Variants in ATF7 observed in about 807,000 individuals in gnomAD.
The protein encoded by ATF7 is cyclic AMP-dependent transcription factor ATF-7.
In ATF7, 10 loss-of-function variants were observed where a neutral mutation model predicts 50.4. The observed-to-expected ratio is 0.20, with a 90% CI of 0.12 to 0.34. The LOEUF (loss-of-function observed/expected upper bound fraction) is 0.34, where lower values mean the gene tolerates loss of function less well. Ranked by LOEUF, ATF7 falls within the 10% of genes least tolerant of loss-of-function variation. The pLI is 1.00. For missense variants in ATF7, 465 were observed against 613.9 expected, an observed-to-expected ratio of 0.76 and a Z score of 2.56; for synonymous variants, 201 against 226.4, an observed-to-expected ratio of 0.89 and a Z score of 1.01.
At chr12:53,534,062 G>C in intron 6 of ATF7, among the ~76,000 whole-genome samples, 1 of 152,190 alleles carries the variant, frequency 6.6e-6, no homozygotes, top group East Asian at 1.9e-4. Context: ...CGGATCACGA[G>C]GTCAGGAGAT....
intron 5 of ATF7, among the ~76,000 whole-genome samples, chr12:53,536,668 G>A (rs1381214287): frequency 2.6e-5 from 4 of 151,862 alleles, no homozygotes; most frequent in Admixed American, 6.6e-5. Flanking sequence ...CGGGCAGATC[G>A]CCTGAGGTCA....
intron 3 of ATF7, among the ~76,000 whole-genome samples, chr12:53,550,966 C>A (rs1373165192): frequency 6.6e-6 from 1 of 152,206 alleles, no homozygotes; most frequent in Non-Finnish European, 1.5e-5. Context: ...TATAACCTTG[C>A]CCCAAATTTA....
chr12:53,595,788 G>A (rs1371500134), intron 2 of ATF7, among the ~76,000 whole-genome samples: 1 of 152,106 alleles, frequency 6.6e-6, no homozygotes, highest in East Asian at 1.9e-4. Flanking sequence ...CACTATTCTT[G>A]GCCTTAGAAA....
chr12:53,532,430 G>T, intron 8 of ATF7, 80 bp downstream of exon 8: 3 of 1,170,700 alleles, frequency 2.6e-6, no homozygotes, highest in South Asian at 1.4e-5. Flanking sequence ...TCCTTTGCTT[G>T]GCTCACTTGA....
intron 4 of ATF7, 106 bp from the exon 5 acceptor site, chr12:53,537,658 G>T: frequency 7.5e-7 from 1 of 1,331,600 alleles, no homozygotes; most frequent in Non-Finnish European, 1.0e-6. Flanking sequence ...AAGAAGTTCT[G>T]CTCTTATACA....
chr12:53,592,466 C>T (rs529926634), intron 2 of ATF7, among the ~76,000 whole-genome samples: 105 of 152,264 alleles, frequency 6.9e-4, no homozygotes, highest in South Asian at 2.5e-3. Context: ...ATTTGTATGT[C>T]AATTCTTCAA....
rs1324322583 is a variant in ATF7, at chr12:53,537,274, G to T, written c.402+141C>A. 6.2e-6 allele frequency: 6 copies of T among 961,322 alleles called. No homozygotes were observed. The East Asian group carries it at 2.4e-4, about 38-fold the overall frequency. 59.5% of individuals were successfully genotyped at this position (961,322 alleles called of 1,614,324 possible). On this transcript the variant is annotated intron_variant, in intron 5 of 11. Transcript: ENST00000420353. ...AGTGGAGATGGGGTTTCTCCATGTT[G>T]CCCAGGCTGGTCTTGAATTTCTGGG...
At chr12:53,549,769 A>G (rs1213665101) in intron 3 of ATF7, among the ~76,000 whole-genome samples, 2 of 152,044 alleles carry the variant, frequency 1.3e-5, no homozygotes, top group Non-Finnish European at 2.9e-5. Flanking sequence ...TATTTTTAGT[A>G]GAGACGGGGT....
At chr12:53,529,294 G>T (rs1409544631) in intron 9 of ATF7, among the ~76,000 whole-genome samples, 2 of 152,154 alleles carry the variant, frequency 1.3e-5, no homozygotes, top group Non-Finnish European at 2.9e-5. Context: ...CCGCCTCCCG[G>T]GTTCAAGCGA....
chr12:53,595,595 G>C (rs1943119589), intron 2 of ATF7, among the ~76,000 whole-genome samples: 1 of 152,174 alleles, frequency 6.6e-6, no homozygotes, highest in African/African-American at 2.4e-5. Flanking sequence ...ATATTACAGA[G>C]CAATAGAGAT....
intron 2 of ATF7, among the ~76,000 whole-genome samples, chr12:53,573,524 G>T (rs1161893984): frequency 2.0e-5 from 3 of 152,082 alleles, no homozygotes; most frequent in Admixed American, 2.0e-4. Flanking sequence ...GAATTCTGCG[G>T]AATTTTTTTT....
At chr12:53,543,016 A>G in intron 4 of ATF7, 1 of 1,231,646 alleles carries the variant, frequency 8.1e-7, no homozygotes, top group Non-Finnish European at 1.0e-6. Flanking sequence ...TGAGTAATTT[A>G]TCACCTTTTA....
At chr12:53,599,562 A>G (rs1209549482) in intron 2 of ATF7, among the ~76,000 whole-genome samples, 3 of 152,224 alleles carry the variant, frequency 2.0e-5, no homozygotes, top group Admixed American at 1.3e-4. Context: ...CTAGGATGGC[A>G]AATACTGCAG....
chr12:53,536,529 G>C (rs548444852), intron 5 of ATF7, among the ~76,000 whole-genome samples: 2 of 151,696 alleles, frequency 1.3e-5, no homozygotes, highest in African/African-American at 4.8e-5. Flanking sequence ...CCACCACCTC[G>C]GCCTCCCAAA....
chr12:53,543,062 A>T (rs1396406523), intron 4 of ATF7: 57 of 1,321,356 alleles, frequency 4.3e-5, no homozygotes, highest in East Asian at 8.3e-5. Context: ...AATATTTTTT[A>T]AAAAACCGAT....
intron 9 of ATF7, among the ~76,000 whole-genome samples, chr12:53,526,649 G>GAGACC (rs1399128858): frequency 6.9e-6 from 1 of 145,884 alleles, no homozygotes; most frequent in Non-Finnish European, 1.5e-5. Context: ...TCAGGAGTTC[G>GAGACC]AGACCAGCCT....
At position 53,523,477 on chromosome 12, in the gene ATF7, C is replaced by T; in HGVS notation, c.1126-93G>A. 1.5e-5 allele frequency: 13 copies of T among 891,444 alleles called. No homozygotes were observed. The South Asian group carries it at 1.8e-4, about 13-fold the overall frequency. 55.2% of individuals were successfully genotyped at this position (891,444 alleles called of 1,614,324 possible). A position where few individuals can be genotyped will look rare whatever the true frequency, so the allele number is the denominator to read the frequency against. ...TTCCCAAAGGAAGGACAGAATATTG[C>T]CTCGATTTTCTCCCCTGAATTGGGA... On this transcript the variant is annotated intron_variant, in intron 10 of 11. Transcript: ENST00000420353.
intron 4 of ATF7, among the ~76,000 whole-genome samples, chr12:53,541,060 A>G (rs887957997): frequency 6.6e-6 from 1 of 152,174 alleles, no homozygotes; most frequent in Admixed American, 6.6e-5. Flanking sequence ...TAAGGGAGAT[A>G]GCATAAAAAG....
intron 2 of ATF7, among the ~76,000 whole-genome samples, chr12:53,566,237 C>T (rs1941438465): frequency 1.3e-5 from 2 of 152,130 alleles, no homozygotes; most frequent in Admixed American, 6.6e-5. Flanking sequence ...CCTGAGAAGA[C>T]TGTTGTCAAT....
Sources: allele counts gnomAD v4.1 joint callset (sites outside exome capture counted in the v4.1 genomes callset), GRCh38; gene constraint gnomAD v4.1.1; transcripts MANE v1.5; gene names NCBI Gene and HGNC (gene_info 2026-07-23, HGNC 2026-07-21).